Variants in PDE1A observed in about 807,000 individuals in gnomAD.
PDE1A encodes the protein dual specificity calcium/calmodulin-dependent 3',5'-cyclic nucleotide phosphodiesterase 1A.
Under a neutral mutation model 61.7 loss-of-function variants are expected in PDE1A, and 35 were observed. The ratio of observed to expected loss-of-function variants is 0.57; its 90% CI spans 0.43 to 0.75. The LOEUF is 0.75. Ranked by LOEUF, PDE1A falls within the 30% of genes least tolerant of loss-of-function variation. The pLI is 0.00. For synonymous variants in PDE1A, 232 were observed against 213.2 expected (o/e 1.09, Z -0.77); for missense variants, 597 against 630.6 (o/e 0.95, Z 0.57).
At chr2:182,577,059 A>C in the PDE1A span, among the ~76,000 whole-genome samples, 16 of 152,248 alleles carry the variant, frequency 1.1e-4, no homozygotes, top group South Asian at 3.1e-3. Context: ...GTATTATTTG[A>C]TGCACAGAAG....
chr2:182,641,378 C>A, the PDE1A span, among the ~76,000 whole-genome samples: 1 of 151,930 alleles, frequency 6.6e-6, no homozygotes, highest in East Asian at 1.9e-4. Context: ...AATTTTTTAC[C>A]TGTTGTCATA....
At chr2:182,186,425 C>T (rs779381031) in intron 12 of PDE1A, 43 bp downstream of exon 12, 2 of 1,593,746 alleles carry the variant, frequency 1.3e-6, no homozygotes, top group Non-Finnish European at 1.7e-6. Context: ...TGTTACTAAA[C>T]ACCACAAAGA....
chr2:182,286,350 A>G (rs970817742), intron 1 of PDE1A, among the ~76,000 whole-genome samples: 3 of 151,480 alleles, frequency 2.0e-5, no homozygotes, highest in Non-Finnish European at 4.4e-5. Context: ...GTTTTTTTTT[A>G]TTTTATCTCC....
chr2:182,233,775 CCACACACACACACACACACACACA>C (rs4018725), intron 4 of PDE1A, among the ~76,000 whole-genome samples: 1 of 147,186 alleles, frequency 6.8e-6, no homozygotes, highest in South Asian at 2.2e-4. Context: ...CACATGAACA[CCACACACACACACACACACACACA>C]CACACACACA....
At chr2:182,712,364 T>C in the PDE1A span, among the ~76,000 whole-genome samples, 2 of 152,334 alleles carry the variant, frequency 1.3e-5, no homozygotes, top group African/African-American at 2.4e-5. Context: ...GGTAATAAGA[T>C]ATCAGTGTTA....
intron 1 of PDE1A, among the ~76,000 whole-genome samples, chr2:182,309,578 T>C (rs1305890733): frequency 6.6e-6 from 1 of 152,090 alleles, no homozygotes; most frequent in Non-Finnish European, 1.5e-5. Flanking sequence ...GTACCCATGA[T>C]CTCTAATCAA....
chr2:182,183,556 G>T (rs1480586945), intron 13 of PDE1A, among the ~76,000 whole-genome samples: 1 of 152,120 alleles, frequency 6.6e-6, no homozygotes, highest in Non-Finnish European at 1.5e-5. Flanking sequence ...TAGATGAGGA[G>T]AGCCCCAAGC....
At chr2:182,687,433 G>T in the PDE1A span, among the ~76,000 whole-genome samples, 1 of 152,188 alleles carries the variant, frequency 6.6e-6, no homozygotes, top group Non-Finnish European at 1.5e-5. Flanking sequence ...CGTCTGGAGT[G>T]GACCTCCAGC....
At chr2:182,615,542 C>T in the PDE1A span, among the ~76,000 whole-genome samples, 11 of 152,220 alleles carry the variant, frequency 7.2e-5, no homozygotes, top group East Asian at 1.3e-3. Flanking sequence ...ATAATTATCT[C>T]GACATGTGTT....
Position 182,282,018 on chromosome 2 carries a change from G to A in PDE1A, c.54-17604C>T, listed in dbSNP as rs112497854. 1.6e-3 allele frequency among the ~76,000 whole-genome samples: 245 copies of A among 151,886 alleles called. 3 individuals are homozygous for A. Among genetic ancestry groups the A allele is most frequent in the African/African-American group, 5.6e-3 (232 of 41,480 alleles). On this transcript the variant is annotated intron_variant, in intron 1 of 13. Coordinates refer to ENST00000351439, the Ensembl canonical transcript of PDE1A. ...CATACCTGTGCCTTTCTGTCATCTG[G>A]AACAATGTTACCCTTAATGATGTTA...
At chr2:182,300,926 T>A (rs1695201123) in intron 1 of PDE1A, among the ~76,000 whole-genome samples, 2 of 152,200 alleles carry the variant, frequency 1.3e-5, no homozygotes, top group South Asian at 4.1e-4. Flanking sequence ...TGATTTCTCA[T>A]AATCAGAGAC....
chr2:182,166,217 G>T (rs1381508831), downstream of PDE1A, among the ~76,000 whole-genome samples: 1 of 152,080 alleles, frequency 6.6e-6, no homozygotes. Context: ...GTGTGCCTAG[G>T]TGACTGTTTC....
chr2:182,399,441 A>G (rs955188040), intron 1 of PDE1A, among the ~76,000 whole-genome samples: 1 of 152,014 alleles, frequency 6.6e-6, no homozygotes, highest in Non-Finnish European at 1.5e-5. Flanking sequence ...AATTTAATAC[A>G]TTCTACATCA....
downstream of PDE1A, among the ~76,000 whole-genome samples, chr2:182,144,872 G>A (rs1279438531): frequency 6.6e-6 from 1 of 152,152 alleles, no homozygotes; most frequent in African/African-American, 2.4e-5. Context: ...GAAACAGCTG[G>A]CAACACTGGG....
At chr2:182,231,463 A>G (rs1006444103) in intron 4 of PDE1A, among the ~76,000 whole-genome samples, 2 of 152,208 alleles carry the variant, frequency 1.3e-5, no homozygotes, top group African/African-American at 4.8e-5. Context: ...GTGGACCTCA[A>G]TTTAGGGTAG....
At chr2:182,443,798 G>C (rs919075282) in intron 2 of PDE1A, among the ~76,000 whole-genome samples, 2 of 150,650 alleles carry the variant, frequency 1.3e-5, no homozygotes, top group African/African-American at 4.9e-5. Context: ...CTGCCTCCTG[G>C]GTTCAAGCTA....
chr2:182,680,605 A>C, the PDE1A span, among the ~76,000 whole-genome samples: 4 of 152,216 alleles, frequency 2.6e-5, no homozygotes, highest in Non-Finnish European at 5.9e-5. Flanking sequence ...TGTATGTAGG[A>C]AAGATTGCAG....
upstream of PDE1A, among the ~76,000 whole-genome samples, chr2:182,428,784 T>C (rs1364249761): frequency 2.0e-5 from 3 of 152,140 alleles, no homozygotes; most frequent in Non-Finnish European, 4.4e-5. Context: ...TAAATCTTCC[T>C]CCTGAGGGAA....
chr2:182,455,475 C>T (rs898932963), intron 2 of PDE1A, among the ~76,000 whole-genome samples: 1 of 152,100 alleles, frequency 6.6e-6, no homozygotes, highest in East Asian at 1.9e-4. Flanking sequence ...TATTGCGGCA[C>T]TATTCACAAT....
Sources: allele counts gnomAD v4.1 joint callset (sites outside exome capture counted in the v4.1 genomes callset), GRCh38; gene constraint gnomAD v4.1.1; transcripts MANE v1.5; gene names NCBI Gene and HGNC (gene_info 2026-07-23, HGNC 2026-07-21).